The following GTF2B variants were observed in gnomAD, a reference collection of about 807,000 sequenced individuals.
GTF2B encodes the protein transcription initiation factor IIB.
In GTF2B, 20 loss-of-function variants were observed where a neutral mutation model predicts 34.6. The ratio of observed to expected loss-of-function variants is 0.58; its 90% confidence interval spans 0.41 to 0.84. The LOEUF (loss-of-function observed/expected upper bound fraction) is 0.84, where lower values mean the gene tolerates loss of function less well. Ranked by LOEUF, GTF2B falls within the 40% of genes least tolerant of loss-of-function variation. The pLI, the probability that GTF2B is intolerant of heterozygous loss-of-function variation, is 0.00. For missense variants in GTF2B, 237 were observed against 393.3 expected, an observed-to-expected ratio of 0.60 and a Z score of 3.36; for synonymous variants, 142 against 132.4, an observed-to-expected ratio of 1.07 and a Z score of -0.50.
chr1:88,881,396 T>C (rs1673937165), intron 2 of GTF2B, among the ~76,000 whole-genome samples: 1 of 152,190 alleles, frequency 6.6e-6, no homozygotes, highest in African/African-American at 2.4e-5. Flanking sequence ...CCTCATCAAG[T>C]GACATATGAT....
At chr1:88,875,725 C>T (rs17130643) in intron 2 of GTF2B, among the ~76,000 whole-genome samples, 1,971 of 152,216 alleles carry the variant, frequency 0.013, 38 homozygotes, top group African/African-American at 0.045. Context: ...TAGCTTTTAC[C>T]GCGGATACTG....
At chr1:88,872,795 C>A (rs986498304) in intron 2 of GTF2B, among the ~76,000 whole-genome samples, 1 of 152,104 alleles carries the variant, frequency 6.6e-6, no homozygotes, top group Non-Finnish European at 1.5e-5. Context: ...CACCTAAAAA[C>A]CAGTTTTATT....
At chr1:88,879,400 G>A (rs1026016340) in intron 2 of GTF2B, among the ~76,000 whole-genome samples, 11 of 152,002 alleles carry the variant, frequency 7.2e-5, no homozygotes, top group African/African-American at 2.2e-4. Flanking sequence ...CCGACATGGT[G>A]AAACCCCGTC....
chr1:88,884,830 G>GT (rs1432946056), intron 2 of GTF2B, among the ~76,000 whole-genome samples: 3 of 152,176 alleles, frequency 2.0e-5, no homozygotes, highest in Non-Finnish European at 4.4e-5. Flanking sequence ...ATCTAATTCA[G>GT]TGACAAAATA....
At chr1:88,890,372 C>T (rs1215302294) in intron 1 of GTF2B, among the ~76,000 whole-genome samples, 1 of 152,174 alleles carries the variant, frequency 6.6e-6, no homozygotes, top group Admixed American at 6.5e-5. Context: ...CTGCCTCCCA[C>T]CCCAAATTCC....
chr1:88,876,110 G>A (rs1370926512), intron 2 of GTF2B, among the ~76,000 whole-genome samples: 1 of 152,168 alleles, frequency 6.6e-6, no homozygotes, highest in Non-Finnish European at 1.5e-5. Context: ...CGGCTTACAA[G>A]GGATGCCAAA....
At chr1:88,891,127 G>A (rs1674191754) in intron 1 of GTF2B, among the ~76,000 whole-genome samples, 1 of 142,086 alleles carries the variant, frequency 7.0e-6, no homozygotes, top group African/African-American at 2.6e-5. Context: ...AAGCGGGGGG[G>A]GGGGCGCGGG....
chr1:88,869,233 A>T (rs1436817104), intron 2 of GTF2B, among the ~76,000 whole-genome samples: 1 of 152,192 alleles, frequency 6.6e-6, no homozygotes, highest in Admixed American at 6.5e-5. Flanking sequence ...ATATGGGAGG[A>T]TGTGCATGGG....
intron 2 of GTF2B, among the ~76,000 whole-genome samples, chr1:88,869,789 A>G (rs1464882488): frequency 1.3e-5 from 2 of 148,858 alleles, no homozygotes; most frequent in African/African-American, 2.5e-5. Flanking sequence ...ACCACGTCTG[A>G]CTAATTTTTG....
chr1:88,891,145 A>T (rs1352944399), intron 1 of GTF2B, among the ~76,000 whole-genome samples: 1 of 10,248 alleles, frequency 9.8e-5, no homozygotes, highest in South Asian at 5.0e-3. Context: ...GGGGGAGGAG[A>T]GGAGGGAGGG....
chr1:88,875,902 G>C (rs1673806964), intron 2 of GTF2B, among the ~76,000 whole-genome samples: 1 of 152,124 alleles, frequency 6.6e-6, no homozygotes, highest in Non-Finnish European at 1.5e-5. Flanking sequence ...GATTTATGTG[G>C]CTCTGTCACT....
At chr1:88,858,597 G>C (rs1673371275) in intron 5 of GTF2B, 1 of 152,046 alleles carries the variant, frequency 6.6e-6, no homozygotes, top group Non-Finnish European at 1.5e-5. Flanking sequence ...AGTTGTTTTA[G>C]TTATAAAAAC....
chr1:88,859,941 A>ATAG lies in GTF2B; in HGVS notation c.473_475dup (p.Ala158_Ile159insThr). On this transcript the variant is annotated inframe_insertion, in exon 5 of 7. Transcript: ENST00000370500. ...GGCAATATAGAGACAAGCAGAAGCT[A>ATAG]TAGCATCATTAGCTCTTCCCTTCAG... The ATAG allele has an allele frequency of 6.2e-7, 1 of 1,613,634 alleles. No individual in the cohort carries two copies. The highest frequency in any genetic ancestry group is 8.5e-7 in the Non-Finnish European group (1 of 1,179,548).
chr1:88,874,449 C>T (rs1187732325), intron 2 of GTF2B, among the ~76,000 whole-genome samples: 1 of 151,090 alleles, frequency 6.6e-6, no homozygotes, highest in African/African-American at 2.4e-5. Flanking sequence ...ACTAATTCCC[C>T]CAAGTAGCTA....
intron 6 of GTF2B, 40 bp from the exon 7 acceptor site, chr1:88,853,386 C>A (rs756748658): frequency 3.2e-6 from 5 of 1,584,426 alleles, no homozygotes; most frequent in Non-Finnish European, 4.3e-6. Context: ...TCATTTCCAT[C>A]CTACCTCCTT....
At chr1:88,871,877 ATC>A (rs1198380836) in intron 2 of GTF2B, among the ~76,000 whole-genome samples, 1 of 152,000 alleles carries the variant, frequency 6.6e-6, no homozygotes, top group Non-Finnish European at 1.5e-5. Context: ...GATTACAGGC[ATC>A]CACCACCACG....
chr1:88,859,256 C>T (rs1336950060), intron 5 of GTF2B, among the ~76,000 whole-genome samples: 1 of 152,074 alleles, frequency 6.6e-6, no homozygotes, highest in Non-Finnish European at 1.5e-5. Context: ...AATGTATAAA[C>T]GGCCTACTTT....
At chr1:88,853,946 C>T (rs1277535133) in intron 6 of GTF2B, among the ~76,000 whole-genome samples, 1 of 152,122 alleles carries the variant, frequency 6.6e-6, no homozygotes, top group African/African-American at 2.4e-5. Context: ...TACTACCTTA[C>T]AGGGTTGTCA....
Position 88,876,569 on chromosome 1 carries a change from C to T in GTF2B, c.124+10692G>A, listed in dbSNP as rs183464821. Reference sequence around the variant, plus strand: ...TGGTGGTTTGAGCCCGTGGCGACAGCTACTTGGGAAACTGAGGCAGGAGGC... The same window carrying T: ...TGGTGGTTTGAGCCCGTGGCGACAGTTACTTGGGAAACTGAGGCAGGAGGC... On this transcript the variant is annotated intron_variant, in intron 2 of 6. Transcript: ENST00000370500. 2.5e-3 allele frequency among the ~76,000 whole-genome samples: 378 copies of T among 152,124 alleles called. 3 individuals carry two copies. Among genetic ancestry groups the T allele is most frequent in the African/African-American group, 8.7e-3 (363 of 41,496 alleles).
Sources: gnomAD v4.1 joint callset for allele counts (sites outside exome capture counted in the v4.1 genomes callset) on GRCh38, gnomAD v4.1.1 for gene constraint, MANE v1.5 for transcripts, NCBI Gene and HGNC (gene_info 2026-07-23, HGNC 2026-07-21) for gene names.